ABCA3: variants seen among roughly 807,000 people sequenced by gnomAD.
ABCA3 encodes the protein phospholipid-transporting ATPase ABCA3.
ABCA3 carries 88 observed loss-of-function variants against 172.8 expected under a neutral mutation model. That is an observed-to-expected ratio of 0.51 (90% CI 0.43 to 0.61). The LOEUF (loss-of-function observed/expected upper bound fraction) is 0.61. Ranked by LOEUF, ABCA3 falls within the 20% of genes least tolerant of loss-of-function variation. ABCA3 has a pLI of 0.00. For synonymous variants in ABCA3, 1,066 were observed against 983.8 expected, an observed-to-expected ratio of 1.08 and a Z score of -1.56; for missense variants, 2,164 against 2,301.0, an observed-to-expected ratio of 0.94 and a Z score of 1.22.
At chr16:2,318,168 G>A (rs4787277) in intron 8 of ABCA3, among the ~76,000 whole-genome samples, 17,627 of 152,250 alleles carry the variant, frequency 0.12, 1,562 homozygotes, top group East Asian at 0.38. Flanking sequence ...CTCCATGGCT[G>A]TGAGACGTGA....
chr16:2,320,426 C>G (rs1369598719), intron 7 of ABCA3, among the ~76,000 whole-genome samples: 1 of 136,346 alleles, frequency 7.3e-6, no homozygotes. Context: ...GTCTTGCTCT[C>G]TCACTCAGGC....
At position 2,284,300 on chromosome 16, in the gene ABCA3, C is replaced by T. The variant is rs141745439; in HGVS notation, c.3841G>A (p.Ala1281Thr). 7.3e-5 allele frequency: 118 copies of T among 1,613,572 alleles called. No individual in the cohort carries two copies. The African/African-American group carries it at 1.1e-3, about 14-fold the overall frequency. ...RRYCTSSEVA[A>T]HYCKKYNIQY... is the part of the protein sequence containing the mutation. ...TCACTATATTTCTTGCAGTAGTGGG[C>T]GGCGACCTCGGAGGAGGTGCAGTAC... is the stretch of plus-strand genomic sequence containing the variant. The change falls in exon 25 of 33, where the codon GCC becomes ACC. Residue 1281 changes from alanine (A) to threonine (T), a missense_variant. Around this residue, in one of 3 missense-constraint regions of ABCA3, gnomAD observed 795 missense variants for 881.9 expected, o/e 0.90. Coordinates refer to ENST00000301732, the MANE Select transcript of ABCA3 (RefSeq NM_001089.3). The surrounding 1 kb of genome is among the most constrained non-coding windows in gnomAD (Gnocchi z 5.9).
At chr16:2,298,791 CAG>C (rs373812185) in intron 14 of ABCA3, among the ~76,000 whole-genome samples, 105 of 152,278 alleles carry the variant, frequency 6.9e-4, no homozygotes, top group African/African-American at 2.5e-3. Flanking sequence ...CACACACACA[CAG>C]AGTCACCACA....
chr16:2,296,235 CT>C (rs547930176), intron 17 of ABCA3, among the ~76,000 whole-genome samples: 463 of 143,758 alleles, frequency 3.2e-3, no homozygotes, highest in Admixed American at 3.3e-3. Context: ...ATTCCATGTC[CT>C]TTTTTTTTTT....
intron 1 of ABCA3, among the ~76,000 whole-genome samples, chr16:2,335,459 C>G (rs1009079647): frequency 1.3e-5 from 2 of 151,026 alleles, no homozygotes; most frequent in Non-Finnish European, 3.0e-5. Flanking sequence ...TTTGTAGAGA[C>G]GAGTCTCACT....
Position 2,335,659 on chromosome 16 carries a change from C to T in ABCA3, c.-539+4914G>A, listed in dbSNP as rs189149762. Among the ~76,000 whole-genome samples the T allele has an allele frequency of 1.2e-4, 18 of 152,308 alleles. 1 individual carries two copies. Among genetic ancestry groups the T allele is most frequent in the African/African-American group, 4.3e-4 (18 of 41,582 alleles). Reference sequence around the variant, plus strand: ...CGTGGCATCCTGACTGAGGAGGAGGCACCCTGTGATGTGGGGAGTGATGGT... The same window carrying T: ...CGTGGCATCCTGACTGAGGAGGAGGTACCCTGTGATGTGGGGAGTGATGGT... On this transcript the variant is annotated intron_variant, in intron 1 of 32. Transcript: ENST00000301732.
intron 1 of ABCA3, among the ~76,000 whole-genome samples, chr16:2,336,594 C>A (rs1304290342): frequency 7.3e-6 from 1 of 137,666 alleles, no homozygotes; most frequent in Non-Finnish European, 1.5e-5. Context: ...CCACGCCCAG[C>A]TAATTTTTTT....
In ABCA3 at chr16:2,328,454, T is replaced by A. The variant is rs751708743; in HGVS notation, c.-28A>T. On this transcript the variant is annotated splice_region_variant and 5_prime_UTR_variant, in exon 3 of 33. Coordinates refer to ENST00000301732, the MANE Select transcript of ABCA3 (RefSeq NM_001089.3). ...TTCAAGAGTTCATGAGCTGCTAACCTGCTAGAGAAGTAGGTGGTCTGAGTA... is the reference window on the plus strand; with the variant it reads ...TTCAAGAGTTCATGAGCTGCTAACCAGCTAGAGAAGTAGGTGGTCTGAGTA... 2.0e-6 allele frequency: 1 copy of A among 503,286 alleles called. No homozygotes were observed. Among genetic ancestry groups the A allele is most frequent in the Middle Eastern group, 3.2e-4 (1 of 3,128 alleles). The allele number at this position is 503,286 out of a possible 1,614,324, so 31.2% of individuals were successfully genotyped here.
chr16:2,302,640 A>T (rs2093691299), intron 12 of ABCA3, among the ~76,000 whole-genome samples: 1 of 151,394 alleles, frequency 6.6e-6, no homozygotes, highest in Admixed American at 6.6e-5. Flanking sequence ...CCGCCTGGCT[A>T]ATTTTTTAAA....
intron 1 of ABCA3, among the ~76,000 whole-genome samples, chr16:2,338,315 G>C (rs757115324): frequency 3.9e-5 from 6 of 152,180 alleles, no homozygotes; most frequent in Non-Finnish European, 7.3e-5. Flanking sequence ...ACAAGATGTG[G>C]GCCTTCAGTG....
Position 2,278,947 on chromosome 16 carries a change from A to G in ABCA3, c.4543T>C (p.Tyr1515His). Residue 1515 changes from tyrosine to histidine, a missense_variant, in exon 29 of 33, where the codon TAC becomes CAC. Around this residue, in one of 3 missense-constraint regions of ABCA3, gnomAD observed 795 missense variants for 881.9 expected, o/e 0.90. Coordinates refer to ENST00000301732, the MANE Select transcript of ABCA3 (RefSeq NM_001089.3). The surrounding 1 kb of genome is among the most constrained non-coding windows in gnomAD (Gnocchi z 4.4). ...EPHANKLVRT[Y>H]SGGNKRKLST... ...GCCAGGGCTCGGGAGGTGCACCTGT[A>G]CGTCCTGACCAGCTTGTTGGCATGT... is the stretch of plus-strand genomic sequence containing the variant. The G allele has an allele frequency of 3.1e-6, 5 of 1,613,526 alleles. No individual in the cohort carries two copies. Among genetic ancestry groups the G allele is most frequent in the Non-Finnish European group, 4.2e-6 (5 of 1,180,036 alleles).
rs752521582 is a variant in ABCA3, at chr16:2,284,825, C to A, written c.3657G>T (p.Leu1219=). 37 of 1,613,928 alleles carry A rather than the reference C, an allele frequency of 2.3e-5. No homozygotes were observed. The highest frequency in any genetic ancestry group is 3.0e-5 in the Non-Finnish European group (35 of 1,179,966). Residue 1219 remains leucine, a synonymous_variant, in exon 24 of 33, where the codon CTG becomes CTT. Transcript: ENST00000301732. This position sits in a 1 kb window ranked among gnomAD's most constrained non-coding sequence, Gnocchi z 5.9. ...CCATCAGGAAGGTGGCGATGCCTGA[C>A]AGGATGTTGAAGATGGTCAGCCTCG... The part of the protein sequence containing the change: ...AYTRLTIFNI[L]SGIATFLMVT...
At chr16:2,325,446 C>T (rs2093732711) in intron 5 of ABCA3, among the ~76,000 whole-genome samples, 2 of 152,200 alleles carry the variant, frequency 1.3e-5, no homozygotes, top group Admixed American at 1.3e-4. Flanking sequence ...CACAGAGAAG[C>T]TGGGGGATTC....
At chr16:2,295,965 T>A in intron 17 of ABCA3, among the ~76,000 whole-genome samples, 1 of 152,128 alleles carries the variant, frequency 6.6e-6, no homozygotes. Context: ...TCTAGGGTGC[T>A]GAGCACTGTC....
At position 2,284,846 on chromosome 16, in the gene ABCA3, C is replaced by T; in HGVS notation, c.3636G>A (p.Arg1212=). The change falls in exon 24 of 33, where the codon AGG becomes AGA. Residue 1212 remains arginine (R), a synonymous_variant. Transcript: ENST00000301732. This position sits in a 1 kb window ranked among gnomAD's most constrained non-coding sequence, Gnocchi z 5.9. ...CTGACAGGATGTTGAAGATGGTCAG[C>T]CTCGTGTAGGCAGTGGCCGCCCCCA... ...FFLGAATAYT[R]LTIFNILSGI... 6.2e-7 allele frequency: 1 copy of T among 1,613,932 alleles called. No individual in the cohort carries two copies. The highest frequency in any genetic ancestry group is 8.5e-7 in the Non-Finnish European group (1 of 1,179,966).
chr16:2,281,810 T>TC lies in ABCA3; in HGVS notation c.4036-302_4036-301insG, dbSNP rs2093655658. 6.6e-6 allele frequency among the ~76,000 whole-genome samples: 1 copy of TC among 152,016 alleles called. No homozygotes were observed. The highest frequency in any genetic ancestry group is 2.4e-5 in the African/African-American group (1 of 41,400). On this transcript the variant is annotated intron_variant, in intron 26 of 32. Transcript: ENST00000301732. This position sits in a 1 kb window ranked among gnomAD's most constrained non-coding sequence, Gnocchi z 4.7. The stretch of plus-strand genomic sequence containing the variant: ...ATAAAATAAGATTTTTAGACAATTT[T>TC]TTTTTTTTTTTTGAGACAGAGTCTC...
chr16:2,295,475 C>A, intron 18 of ABCA3, 115 bp downstream of exon 18: 1 of 1,518,452 alleles, frequency 6.6e-7, no homozygotes, highest in Non-Finnish European at 9.0e-7. Flanking sequence ...CTAAGAGTGC[C>A]GACTGGCCAG....
At chr16:2,330,306 G>C (rs906391550) in intron 1 of ABCA3, among the ~76,000 whole-genome samples, 1 of 132,232 alleles carries the variant, frequency 7.6e-6, no homozygotes, top group African/African-American at 2.9e-5. Flanking sequence ...AAAAAAAAAA[G>C]AATATAAGCT....
At chr16:2,300,814 G>T (rs1241836460) in intron 12 of ABCA3, among the ~76,000 whole-genome samples, 1 of 152,174 alleles carries the variant, frequency 6.6e-6, no homozygotes, top group East Asian at 1.9e-4. Context: ...TGCGGGGCGG[G>T]GACTCGTTTA....
Sources: gnomAD v4.1 joint callset for allele counts (sites outside exome capture counted in the v4.1 genomes callset) on GRCh38, gnomAD v4.1.1 for gene constraint, gnomAD v4.1.1 regional missense constraint, Gnocchi (gnomAD v3.1) non-coding constraint, MANE v1.5 for transcripts, NCBI Gene and HGNC (gene_info 2026-07-23, HGNC 2026-07-21) for gene names.